The following MIX23 variants were observed in gnomAD, a reference collection of about 807,000 sequenced individuals.
MIX23 encodes the protein mitochondrial matrix import factor 23, also known as protein MIX23.
Under a neutral mutation model 21.6 loss-of-function variants are expected in MIX23, and 13 were observed. The ratio of observed to expected loss-of-function variants is 0.60; its 90% CI spans 0.39 to 0.96. MIX23 has a LOEUF of 0.96. Ranked by LOEUF, MIX23 falls within the 40% of genes least tolerant of loss-of-function variation. The pLI is 0.00. For missense variants in MIX23, 144 were observed against 171.2 expected (o/e 0.84, Z 0.89); for synonymous variants, 59 against 58.0 (o/e 1.02, Z -0.08).
At chr3:122,382,821 C>A (rs2075544303) in intron 1 of MIX23, among the ~76,000 whole-genome samples, 1 of 152,164 alleles carries the variant, frequency 6.6e-6, no homozygotes, top group South Asian at 2.1e-4. Context: ...ACTCTACTTA[C>A]AAAAGTAGGA....
chr3:122,375,074 T>C (rs1032760144), intron 1 of MIX23, among the ~76,000 whole-genome samples: 2 of 152,012 alleles, frequency 1.3e-5, no homozygotes, highest in African/African-American at 2.4e-5. Context: ...GTTGAGGCAC[T>C]GGTGAGCCAT....
intron 1 of MIX23, among the ~76,000 whole-genome samples, chr3:122,372,652 C>T (rs1480900621): frequency 1.3e-5 from 2 of 151,872 alleles, no homozygotes; most frequent in African/African-American, 4.8e-5. Context: ...ATAGTGAGAC[C>T]CTGTCTCTAC....
intron 3 of MIX23, among the ~76,000 whole-genome samples, chr3:122,363,899 G>T (rs1174512642): frequency 1.3e-5 from 2 of 152,196 alleles, no homozygotes; most frequent in Admixed American, 1.3e-4. Context: ...AAGCTGGCTA[G>T]TTCCAGGCAG....
At chr3:122,377,488 T>C (rs2075496852) in intron 1 of MIX23, among the ~76,000 whole-genome samples, 1 of 152,234 alleles carries the variant, frequency 6.6e-6, no homozygotes, top group Non-Finnish European at 1.5e-5. Context: ...AATTCTGTGA[T>C]GTCACGGAAG....
chr3:122,381,743 AAAG>A (rs2075534490), intron 1 of MIX23, among the ~76,000 whole-genome samples: 1 of 151,272 alleles, frequency 6.6e-6, no homozygotes, highest in African/African-American at 2.4e-5. Context: ...AAAAAAAAAA[AAAG>A]AAGAGGAGGA....
At chr3:122,368,019 A>G (rs1439936424) in intron 3 of MIX23, 157 bp downstream of exon 3, 5 of 639,570 alleles carry the variant, frequency 7.8e-6, no homozygotes, top group Non-Finnish European at 1.1e-5. Context: ...ACTAAACATA[A>G]TAAAATAAAG....
intron 4 of MIX23, among the ~76,000 whole-genome samples, chr3:122,360,504 AC>A (rs2075349909): frequency 6.6e-6 from 1 of 152,320 alleles, no homozygotes; most frequent in East Asian, 1.9e-4. Flanking sequence ...GAAAGCATAT[AC>A]CATCTTTCAG....
intron 1 of MIX23, 149 bp downstream of exon 1, chr3:122,383,025 C>T: frequency 9.8e-7 from 1 of 1,023,624 alleles, no homozygotes; most frequent in South Asian, 1.3e-5. Context: ...AGGCCAAACC[C>T]GCGCCCCCCA....
At chr3:122,366,351 T>C (rs1256203063) in intron 3 of MIX23, 2 of 152,222 alleles carry the variant, frequency 1.3e-5, no homozygotes, top group East Asian at 1.9e-4. Context: ...GCAGTAGTCA[T>C]GAACAAAGAG....
At chr3:122,371,844 T>G (rs761091244) in intron 1 of MIX23, 44 bp from the exon 2 acceptor site, 23 of 1,488,446 alleles carry the variant, frequency 1.5e-5, no homozygotes, top group Non-Finnish European at 2.1e-5. Context: ...AATGGAAAGT[T>G]AGTGACAAAA....
At chr3:122,370,697 G>C (rs1251733700) in intron 2 of MIX23, among the ~76,000 whole-genome samples, 2 of 152,056 alleles carry the variant, frequency 1.3e-5, no homozygotes, top group Admixed American at 1.3e-4. Flanking sequence ...ATAAATTCTA[G>C]TTCTTCAGAC....
Position 122,363,000 on chromosome 3 carries a change from C to G in MIX23, c.352G>C (p.Val118Leu). ...CTCCTGTCATTTACCACTTCTTCAA[C>G]ATTCAGTTCTGACTGCATCCATTTC... is the stretch of plus-strand genomic sequence containing the variant. ...KLKWMQSELNVEEVVNDRSWK... is the reference protein window; with the variant it reads ...KLKWMQSELNLEEVVNDRSWK... The change falls in exon 4 of 5, where the codon GTT becomes CTT. Residue 118 changes from valine (V) to leucine (L), a missense_variant. By Grantham distance (32) the Val-to-Leu change is conservative. Transcript: ENST00000291458. The G allele has an allele frequency of 6.2e-7, 1 of 1,612,840 alleles. No individual in the cohort carries two copies. The highest frequency in any genetic ancestry group is 8.5e-7 in the Non-Finnish European group (1 of 1,179,446).
chr3:122,360,469 A>G (rs1287871218), intron 4 of MIX23, among the ~76,000 whole-genome samples: 2 of 152,230 alleles, frequency 1.3e-5, no homozygotes, highest in Non-Finnish European at 2.9e-5. Context: ...ACACACACAT[A>G]AAATTAGAAA....
In MIX23 at chr3:122,383,167, C is replaced by G; in HGVS notation, c.51+7G>C. The G allele has an allele frequency of 6.2e-7, 1 of 1,613,924 alleles. No individual in the cohort carries two copies. Among genetic ancestry groups the G allele is most frequent in the Non-Finnish European group, 8.5e-7 (1 of 1,180,034 alleles). ...ACATGCCTGCCACATGAGGAAAACC[C>G]CATCACCTGGAACTCGGCGAACTCC... On this transcript the variant is annotated splice_region_variant and intron_variant, in intron 1 of 4. Coordinates refer to ENST00000291458, the MANE Select transcript of MIX23 (RefSeq NM_001017928.4).
At chr3:122,361,223 CAT>C (rs1196383051) in intron 4 of MIX23, among the ~76,000 whole-genome samples, 2 of 152,292 alleles carry the variant, frequency 1.3e-5, no homozygotes, top group East Asian at 1.9e-4. Context: ...TTAAATTCTA[CAT>C]GTCACATAAT....
At chr3:122,363,595 A>G (rs2075375547) in intron 3 of MIX23, among the ~76,000 whole-genome samples, 1 of 151,786 alleles carries the variant, frequency 6.6e-6, no homozygotes, top group Non-Finnish European at 1.5e-5. Flanking sequence ...AAGATAGCAC[A>G]GAGGAAAAAA....
intron 1 of MIX23, among the ~76,000 whole-genome samples, chr3:122,381,680 T>G (rs1456901592): frequency 6.9e-6 from 1 of 145,956 alleles, no homozygotes; most frequent in Non-Finnish European, 1.5e-5. Flanking sequence ...ATTGTGCCAC[T>G]GCACTCCAGC....
chr3:122,370,016 T>C (rs996615174), intron 2 of MIX23, among the ~76,000 whole-genome samples: 4 of 152,190 alleles, frequency 2.6e-5, no homozygotes, highest in Admixed American at 2.6e-4. Context: ...TCCCAAAGTG[T>C]TGGGATTACA....
chr3:122,375,645 T>C (rs1210306098), intron 1 of MIX23, among the ~76,000 whole-genome samples: 1 of 152,184 alleles, frequency 6.6e-6, no homozygotes, highest in Non-Finnish European at 1.5e-5. Context: ...TCTTTTGTGT[T>C]ATGTTTAAAA....
Sources: allele counts gnomAD v4.1 joint callset (sites outside exome capture counted in the v4.1 genomes callset), GRCh38; gene constraint gnomAD v4.1.1; transcripts MANE v1.5; gene names NCBI Gene and HGNC (gene_info 2026-07-23, HGNC 2026-07-21).